LINGO2: variants seen among roughly 807,000 people sequenced by gnomAD.
The protein encoded by LINGO2 is leucine rich repeat and Ig domain containing 2.
Under a neutral mutation model 30.6 loss-of-function variants are expected in LINGO2, and 14 were observed. That is an observed-to-expected ratio of 0.46 (90% CI 0.30 to 0.72). The LOEUF (loss-of-function observed/expected upper bound fraction) is 0.72. Ranked by LOEUF, LINGO2 falls within the 30% of genes least tolerant of loss-of-function variation. The pLI, the probability that LINGO2 is intolerant of heterozygous loss-of-function variation, is 0.07. For missense variants in LINGO2, 729 were observed against 751.7 expected (o/e 0.97, Z 0.35); for synonymous variants, 317 against 288.5 (o/e 1.10, Z -1.00).
chr9:28,737,680 A>G, the LINGO2 span, among the ~76,000 whole-genome samples: 8 of 152,150 alleles, frequency 5.3e-5, no homozygotes, highest in Non-Finnish European at 1.2e-4. Flanking sequence ...CTCCTGAAAC[A>G]AGCCTACATC....
At chr9:29,063,903 G>A in the LINGO2 span, among the ~76,000 whole-genome samples, 1 of 152,108 alleles carries the variant, frequency 6.6e-6, no homozygotes, top group East Asian at 1.9e-4. Context: ...TAACAAAGAT[G>A]CTAGGAAGAT....
At chr9:28,556,578 C>A (rs958509406) in intron 1 of LINGO2, among the ~76,000 whole-genome samples, 14 of 151,996 alleles carry the variant, frequency 9.2e-5, no homozygotes, top group East Asian at 1.9e-4. Flanking sequence ...TGCCTAAGGT[C>A]ATTTACAGAT....
the LINGO2 span, among the ~76,000 whole-genome samples, chr9:28,885,215 A>C: frequency 6.8e-6 from 1 of 147,360 alleles, no homozygotes; most frequent in South Asian, 2.1e-4. Flanking sequence ...AATAATTGCA[A>C]CGGTGCCCCT....
In LINGO2 at chr9:28,062,719, C is replaced by T. The variant is rs558416508; in HGVS notation, c.-86-50314G>A. On this transcript the variant is annotated intron_variant, in intron 4 of 5. Transcript: ENST00000379992. ...TATATATACAAAATTTCTAAATGTA[C>T]TTTTTTGAATAACAGCTTTATTGAG... Among the ~76,000 whole-genome samples, 118 of 131,670 alleles carry T rather than the reference C, an allele frequency of 9.0e-4. 1 individual carries two copies. The South Asian group carries it at 0.029, about 32-fold the overall frequency. The allele number at this position is 131,670 out of a possible 152,430, so 86.4% of individuals were successfully genotyped here. A position where few individuals can be genotyped will look rare whatever the true frequency, so the allele number is the denominator to read the frequency against.
intron 4 of LINGO2, among the ~76,000 whole-genome samples, chr9:28,204,140 G>C (rs1423908537): frequency 6.6e-6 from 1 of 152,174 alleles, no homozygotes; most frequent in South Asian, 2.1e-4. Context: ...GTAGCAACTA[G>C]TTGTCACTCA....
rs1293291302 is a variant in LINGO2 at position 28,003,360 on chromosome 9, TAGATAG to T, written c.-36+8989_-36+8994del. On this transcript the variant is annotated intron_variant, in intron 5 of 5. Coordinates refer to ENST00000379992, the Ensembl canonical transcript of LINGO2. ...ATAGATATATAGATAGATAGATAGA[TAGATAG>T]ATAGATAGATAGATAGATATAGAGA... Among the ~76,000 whole-genome samples, 470 of 147,810 alleles carry T rather than the reference TAGATAG, an allele frequency of 3.2e-3. 3 individuals carry two copies. Among genetic ancestry groups the T allele is most frequent in the Middle Eastern group, 6.8e-3 (2 of 292 alleles).
At chr9:28,925,929 AC>A in the LINGO2 span, among the ~76,000 whole-genome samples, 1 of 152,138 alleles carries the variant, frequency 6.6e-6, no homozygotes, top group Non-Finnish European at 1.5e-5. Flanking sequence ...AAGTAGTCTC[AC>A]CCCTGAGTGG....
chr9:28,894,340 A>T, the LINGO2 span, among the ~76,000 whole-genome samples: 1 of 152,126 alleles, frequency 6.6e-6, no homozygotes, highest in African/African-American at 2.4e-5. Context: ...TATCATGGAT[A>T]ATAATAGTGT....
chr9:29,025,227 T>C, the LINGO2 span, among the ~76,000 whole-genome samples: 22 of 152,022 alleles, frequency 1.4e-4, no homozygotes, highest in Non-Finnish European at 2.5e-4. Flanking sequence ...AAATATATAA[T>C]GAGATGAACC....
chr9:28,377,606 T>C (rs1377348982), intron 2 of LINGO2, among the ~76,000 whole-genome samples: 1 of 152,118 alleles, frequency 6.6e-6, no homozygotes, highest in Admixed American at 6.6e-5. Context: ...ATAGTATACA[T>C]GTACACACAT....
chr9:29,039,034 T>C, the LINGO2 span, among the ~76,000 whole-genome samples: 8 of 152,284 alleles, frequency 5.3e-5, no homozygotes, highest in South Asian at 1.5e-3. Flanking sequence ...TAATTGAGTG[T>C]ATTATAGACT....
chr9:28,855,251 CA>C, the LINGO2 span, among the ~76,000 whole-genome samples: 2 of 151,950 alleles, frequency 1.3e-5, no homozygotes, highest in Non-Finnish European at 2.9e-5. Context: ...CAAACAGCAG[CA>C]ATGCAAAGGA....
chr9:28,056,416 T>C (rs1338497802), intron 4 of LINGO2, among the ~76,000 whole-genome samples: 1 of 152,108 alleles, frequency 6.6e-6, no homozygotes, highest in Non-Finnish European at 1.5e-5. Flanking sequence ...ATCAGTTAAA[T>C]ATTGTTTTTG....
chr9:28,545,826 C>G (rs1254475803), intron 1 of LINGO2, among the ~76,000 whole-genome samples: 1 of 151,976 alleles, frequency 6.6e-6, no homozygotes, highest in Non-Finnish European at 1.5e-5. Context: ...CAGATTGGTT[C>G]ACTAATATTT....
chr9:28,964,383 T>G, the LINGO2 span, among the ~76,000 whole-genome samples: 1 of 151,822 alleles, frequency 6.6e-6, no homozygotes, highest in South Asian at 2.1e-4. Flanking sequence ...AGTAGCTGAT[T>G]AAGAAAAAAA....
the LINGO2 span, among the ~76,000 whole-genome samples, chr9:28,719,581 C>A: frequency 6.6e-6 from 1 of 151,974 alleles, no homozygotes; most frequent in African/African-American, 2.4e-5. Context: ...TCTCATTTGA[C>A]CCTATCTTAC....
At chr9:28,311,127 G>A (rs1160791110) in intron 3 of LINGO2, among the ~76,000 whole-genome samples, 1 of 152,070 alleles carries the variant, frequency 6.6e-6, no homozygotes, top group African/African-American at 2.4e-5. Flanking sequence ...GACATCACAT[G>A]TCAGCAGGTT....
intron 1 of LINGO2, among the ~76,000 whole-genome samples, chr9:28,657,565 T>C (rs1259072485): frequency 8.0e-6 from 1 of 125,250 alleles, no homozygotes; most frequent in Non-Finnish European, 1.9e-5. Context: ...TACTTTCTTA[T>C]AATCCTTTTC....
the LINGO2 span, among the ~76,000 whole-genome samples, chr9:28,994,409 G>C: frequency 6.6e-6 from 1 of 152,026 alleles, no homozygotes; most frequent in Non-Finnish European, 1.5e-5. Context: ...CTTATGGGTA[G>C]GAAGAATCAA....
Sources: allele counts gnomAD v4.1 joint callset (sites outside exome capture counted in the v4.1 genomes callset), GRCh38; gene constraint gnomAD v4.1.1; transcripts MANE v1.5; gene names NCBI Gene and HGNC (gene_info 2026-07-23, HGNC 2026-07-21).